Variants in CNGB3 observed in about 807,000 individuals in gnomAD.
CNGB3 encodes cyclic nucleotide gated channel subunit beta 3, also known as cyclic nucleotide-gated channel beta-3.
CNGB3 carries 86 observed loss-of-function variants against 92.8 expected under a neutral mutation model. The ratio of observed to expected loss-of-function variants is 0.93; its 90% CI spans 0.78 to 1.11. The LOEUF (loss-of-function observed/expected upper bound fraction) is 1.11. Ranked by LOEUF, CNGB3 falls within the 50% of genes least tolerant of loss-of-function variation. The pLI is 0.00. For missense variants in CNGB3, 1,026 were observed against 956.8 expected, an observed-to-expected ratio of 1.07 and a Z score of -0.95; for synonymous variants, 333 against 332.7, an observed-to-expected ratio of 1.00 and a Z score of -0.01.
At chr8:86,737,342 C>G (rs1825265911) in intron 2 of CNGB3, among the ~76,000 whole-genome samples, 1 of 152,018 alleles carries the variant, frequency 6.6e-6, no homozygotes, top group Non-Finnish European at 1.5e-5. Context: ...ATTATCCTCC[C>G]AAGTGGACAC....
At chr8:86,659,528 C>T (rs1379486368) in intron 6 of CNGB3, 1 of 596,028 alleles carries the variant, frequency 1.7e-6, no homozygotes. Context: ...AGCCTGAGGG[C>T]ATCTCTCTCC....
Position 86,575,572 on chromosome 8 carries a change from T to C in CNGB3, c.*232A>G, listed in dbSNP as rs1821641742. 1 of 468,902 alleles carries C rather than the reference T, an allele frequency of 2.1e-6. No individual in the cohort carries two copies. Among genetic ancestry groups the C allele is most frequent in the Admixed American group, 3.8e-5 (1 of 26,000 alleles). The allele number at this position is 468,902 out of a possible 1,614,324, so 29.0% of individuals were successfully genotyped here. A position where few individuals can be genotyped will look rare whatever the true frequency, so the allele number is the denominator to read the frequency against. On this transcript the variant is annotated 3_prime_UTR_variant, in exon 18 of 18. Transcript: ENST00000320005. ...ACTTACTACATACAATTAGAAGATA[T>C]AGCAATTGCATAAAGTTAATGAAAA...
intron 15 of CNGB3, among the ~76,000 whole-genome samples, chr8:86,595,278 T>C (rs1585957353): frequency 6.6e-6 from 1 of 152,314 alleles, no homozygotes; most frequent in East Asian, 1.9e-4. Context: ...AACAGGCTGG[T>C]GTGATAAGAC....
intron 15 of CNGB3, among the ~76,000 whole-genome samples, chr8:86,584,767 A>G (rs1821860935): frequency 6.6e-6 from 1 of 152,224 alleles, no homozygotes; most frequent in South Asian, 2.1e-4. Context: ...ACCAGGAAAC[A>G]AAGAAATGGT....
intron 3 of CNGB3, among the ~76,000 whole-genome samples, chr8:86,671,334 A>T (rs1823858867): frequency 6.6e-6 from 1 of 152,232 alleles, no homozygotes; most frequent in African/African-American, 2.4e-5. Context: ...ACCATATTGG[A>T]TCTTGATGAC....
At chr8:86,666,183 A>G (rs1244563621) in intron 6 of CNGB3, among the ~76,000 whole-genome samples, 1 of 152,254 alleles carries the variant, frequency 6.6e-6, no homozygotes, top group East Asian at 1.9e-4. Context: ...CTGTAATGTG[A>G]TAGAAAACAA....
At chr8:86,721,729 A>T (rs13275755) in intron 3 of CNGB3, among the ~76,000 whole-genome samples, 28,789 of 151,728 alleles carry the variant, frequency 0.19, 3,337 homozygotes, top group South Asian at 0.3. Flanking sequence ...TCCCTTTTTT[A>T]AAAAAAATGC....
intron 3 of CNGB3, among the ~76,000 whole-genome samples, chr8:86,679,530 T>TTC (rs1824039758): frequency 1.2e-5 from 1 of 86,256 alleles, no homozygotes. Context: ...TTCTTTTTCT[T>TTC]TTTCTTTTTT....
At chr8:86,738,534 C>T (rs985230433) in intron 2 of CNGB3, among the ~76,000 whole-genome samples, 1 of 152,100 alleles carries the variant, frequency 6.6e-6, no homozygotes, top group African/African-American at 2.4e-5. Flanking sequence ...GATGGTATTG[C>T]TGAGATCGGA....
intron 15 of CNGB3, among the ~76,000 whole-genome samples, chr8:86,586,972 A>G (rs1257568191): frequency 2.3e-3 from 326 of 142,344 alleles, no homozygotes; most frequent in African/African-American, 9.0e-3. Context: ...AAGTGTTCCT[A>G]TTTCTCCACA....
chr8:86,653,737 TA>T (rs1823448996), intron 7 of CNGB3, among the ~76,000 whole-genome samples: 1 of 152,166 alleles, frequency 6.6e-6, no homozygotes, highest in African/African-American at 2.4e-5. Context: ...AGACAAAGTA[TA>T]CAACCCATAT....
At chr8:86,624,295 T>C (rs1385038874) in intron 13 of CNGB3, among the ~76,000 whole-genome samples, 1 of 152,170 alleles carries the variant, frequency 6.6e-6, no homozygotes, top group Non-Finnish European at 1.5e-5. Context: ...GGTGCATGCC[T>C]GTAATCCCAG....
intron 6 of CNGB3, chr8:86,658,859 G>C: frequency 1.5e-6 from 1 of 669,172 alleles, no homozygotes; most frequent in Middle Eastern, 2.7e-4. Flanking sequence ...TGGTCTCCAG[G>C]GTTTGCCTGT....
At chr8:86,668,405 C>T (rs1347189709) in intron 4 of CNGB3, among the ~76,000 whole-genome samples, 1 of 152,006 alleles carries the variant, frequency 6.6e-6, no homozygotes, top group Non-Finnish European at 1.5e-5. Context: ...ATGATGGGTG[C>T]AGCAAACCAC....
At chr8:86,622,372 CTTCTT>C (rs1320585757) in intron 13 of CNGB3, among the ~76,000 whole-genome samples, 1 of 109,060 alleles carries the variant, frequency 9.2e-6, no homozygotes, top group African/African-American at 4.8e-5. Context: ...TGGGGCCATT[CTTCTT>C]TTTTTTTTTT....
intron 3 of CNGB3, among the ~76,000 whole-genome samples, chr8:86,673,146 T>C (rs1563749862): frequency 6.6e-6 from 1 of 152,232 alleles, no homozygotes; most frequent in Non-Finnish European, 1.5e-5. Flanking sequence ...GCCCGATAGT[T>C]GTTCATAGTT....
At chr8:86,718,022 G>T (rs185732482) in intron 3 of CNGB3, among the ~76,000 whole-genome samples, 7 of 152,094 alleles carry the variant, frequency 4.6e-5, no homozygotes, top group Admixed American at 4.6e-4. Context: ...GTGGTGCGAA[G>T]AGCAACATTC....
chr8:86,590,592 C>T lies in CNGB3; in HGVS notation c.1782-11340G>A, dbSNP rs1822006276. 3.3e-5 allele frequency among the ~76,000 whole-genome samples: 5 copies of T among 152,042 alleles called. No individual in the cohort carries two copies. The South Asian group carries it at 1.0e-3, about 32-fold the overall frequency. ...TGTAAAGTATTTTATTTCTCCTTCACTTGTGAAGCTTAGTTTGGCTGGATA... is the reference window on the plus strand; with the variant it reads ...TGTAAAGTATTTTATTTCTCCTTCATTTGTGAAGCTTAGTTTGGCTGGATA... On this transcript the variant is annotated intron_variant, in intron 15 of 17. Transcript: ENST00000320005.
chr8:86,624,022 G>T (rs760803161), intron 13 of CNGB3, among the ~76,000 whole-genome samples: 3 of 152,124 alleles, frequency 2.0e-5, no homozygotes, highest in African/African-American at 7.2e-5. Context: ...ACTTCCTAAG[G>T]CCTTTTCTTC....
Sources: gnomAD v4.1 joint callset for allele counts (sites outside exome capture counted in the v4.1 genomes callset) on GRCh38, gnomAD v4.1.1 for gene constraint, MANE v1.5 for transcripts, NCBI Gene and HGNC (gene_info 2026-07-23, HGNC 2026-07-21) for gene names.